Variants in GADD45A observed in about 807,000 individuals in gnomAD.
The protein encoded by GADD45A is growth arrest and DNA damage-inducible protein GADD45 alpha.
Under a neutral mutation model 17.7 loss-of-function variants are expected in GADD45A, and 9 were observed. The ratio of observed to expected loss-of-function variants is 0.51; its 90% CI spans 0.31 to 0.89. The LOEUF (loss-of-function observed/expected upper bound fraction) is 0.89, where lower values mean the gene tolerates loss of function less well. Ranked by LOEUF, GADD45A falls within the 40% of genes least tolerant of loss-of-function variation. The probability of loss-of-function intolerance (pLI) is 0.05; values close to 1 mark genes in which losing one functional copy is unlikely to be tolerated. For missense variants in GADD45A, 149 were observed against 220.6 expected, an observed-to-expected ratio of 0.68 and a Z score of 2.06; for synonymous variants, 95 against 92.2, an observed-to-expected ratio of 1.03 and a Z score of -0.17.
intron 1 of GADD45A, 21 bp from the exon 2 acceptor site, chr1:67,686,004 C>G (rs559363534): frequency 1.1e-4 from 165 of 1,569,526 alleles, no homozygotes; most frequent in Admixed American, 3.6e-4. Context: ...GACGGGACCC[C>G]TCGCCCTTGC....
intron 1 of GADD45A, 42 bp from the exon 2 acceptor site, chr1:67,685,983 G>A: frequency 1.5e-6 from 2 of 1,367,376 alleles, no homozygotes; most frequent in South Asian, 1.2e-5. Flanking sequence ...GGCCCCGAGG[G>A]CACCGGGGCT....
chr1:67,685,559 T>C, intron 1 of GADD45A, 21 bp downstream of exon 1: 2 of 1,597,150 alleles, frequency 1.3e-6, no homozygotes, highest in African/African-American at 2.7e-5. Context: ...CTGCGGACTC[T>C]TCCGGCCCGA....
chr1:67,687,688 C>T lies in GADD45A; in HGVS notation c.412C>T (p.Pro138Ser). Residue 138 changes from proline (P) to serine (S), a missense_variant, in exon 4 of 4, where the codon CCT becomes TCT. Pro to Ser is a moderately conservative substitution (Grantham distance 74). Coordinates refer to ENST00000370986, the MANE Select transcript of GADD45A (RefSeq NM_001924.4). ...TNPHSSQWKDPALSQLICFCR... is the reference protein window; with the variant it reads ...TNPHSSQWKDSALSQLICFCR... ...TCCACATTCATCTCAATGGAAGGATCCTGCCTTAAGTCAACTTATTTGTTT... is the reference window on the plus strand; with the variant it reads ...TCCACATTCATCTCAATGGAAGGATTCTGCCTTAAGTCAACTTATTTGTTT... The T allele has an allele frequency of 9.3e-6, 15 of 1,611,902 alleles. No homozygotes were observed. The highest frequency in any genetic ancestry group is 1.3e-5 in the Non-Finnish European group (15 of 1,178,456).
At chr1:67,685,992 C>T (rs760683816) in intron 1 of GADD45A, 33 bp from the exon 2 acceptor site, 10 of 1,487,982 alleles carry the variant, frequency 6.7e-6, no homozygotes, top group Middle Eastern at 1.7e-4. Flanking sequence ...GGCACCGGGG[C>T]TGACGGGACC....
rs1208464490 is a variant in GADD45A, at chr1:67,686,354, C to T, written c.151C>T (p.Pro51Ser). ...YEAAKLLNVD[P>S]DNVVLCLLAA... ...GGCCCCGCCCGCTGCCCCCAGCGAC[C>T]CCGATAACGTGGTGTTGTGCCTGCT... Residue 51 changes from proline to serine, a missense_variant, in exon 3 of 4, where the codon CCC (proline) becomes TCC (serine). Coordinates refer to ENST00000370986, the MANE Select transcript of GADD45A (RefSeq NM_001924.4). 6.2e-7 allele frequency: 1 copy of T among 1,611,622 alleles called. No homozygotes were observed.
At chr1:67,685,637 A>T (rs1646127751) in intron 1 of GADD45A, 99 bp downstream of exon 1, 25 of 1,270,086 alleles carry the variant, frequency 2.0e-5, no homozygotes, top group Non-Finnish European at 2.6e-5. Context: ...GGAGGAAGCT[A>T]AAAAGTTTGC....
At chr1:67,687,535 G>T in intron 3 of GADD45A, 126 bp from the exon 4 acceptor site, 2 of 633,482 alleles carry the variant, frequency 3.2e-6, no homozygotes, top group East Asian at 2.7e-5. Flanking sequence ...ATTTTTTTGT[G>T]CTTCTAATTT....
At chr1:67,686,742 G>T (rs1376813063) in intron 3 of GADD45A, among the ~76,000 whole-genome samples, 155 bp downstream of exon 3, 2 of 152,240 alleles carry the variant, frequency 1.3e-5, no homozygotes, top group African/African-American at 4.8e-5. Context: ...GCCGAGATGT[G>T]CTAGTTTCAT....
At chr1:67,686,914 A>G (rs534217864) in intron 3 of GADD45A, among the ~76,000 whole-genome samples, 1 of 152,316 alleles carries the variant, frequency 6.6e-6, no homozygotes, top group East Asian at 1.9e-4. Flanking sequence ...GATAAAGCCA[A>G]ATGAATTCCT....
rs200118104 is a variant in GADD45A at position 67,686,085 on chromosome 1, G to A, written c.105G>A (p.Thr35=). The change falls in exon 2 of 4, where the codon ACG becomes ACA. Residue 35 remains threonine, a synonymous_variant. Coordinates refer to ENST00000370986, the MANE Select transcript of GADD45A (RefSeq NM_001924.4). ...TCAGCAAAGCCCTGAGTCAGCGCAC[G>A]ATCACTGTCGGGGTGTACGAAGCGG... The part of the protein sequence containing the change: ...EVLSKALSQR[T]ITVGVYEAAK... The A allele has an allele frequency of 6.2e-7, 1 of 1,610,040 alleles. No individual in the cohort carries two copies. The highest frequency in any genetic ancestry group is 8.5e-7 in the Non-Finnish European group (1 of 1,178,418).
At chr1:67,686,624 C>T (rs1646136098) in intron 3 of GADD45A, 37 bp downstream of exon 3, 1 of 1,557,096 alleles carries the variant, frequency 6.4e-7, no homozygotes, top group Non-Finnish European at 8.8e-7. Flanking sequence ...CAGGGTAGAG[C>T]CCCGGAAGGA....
At position 67,686,043 on chromosome 1, in the gene GADD45A, T is replaced by C. The variant is rs761285746; in HGVS notation, c.63T>C (p.Asp21=). 1 of 1,606,710 alleles carries C rather than the reference T, an allele frequency of 6.2e-7. No homozygotes were observed. Among genetic ancestry groups the C allele is most frequent in the East Asian group, 2.3e-5 (1 of 43,938 alleles). Residue 21 remains aspartate (D), a synonymous_variant, in exon 2 of 4, where the codon GAT becomes GAC. Coordinates refer to ENST00000370986, the MANE Select transcript of GADD45A (RefSeq NM_001924.4). ...CGTGTAGGATGGATAAGGTGGGGGA[T>C]GCCCTGGAGGAAGTGCTCAGCAAAG... The part of the protein sequence containing the change: ...QKTERMDKVG[D]ALEEVLSKAL...
Position 67,687,751 on chromosome 1 carries a change from G to A in GADD45A, c.475G>A (p.Val159Met), listed in dbSNP as rs1411339853. ...ESRYMDQWVP[V>M]INLPER ...TCGCTACATGGATCAATGGGTTCCA[G>A]TGATTAATCTCCCTGAACGGTGATG... Residue 159 changes from valine to methionine, a missense_variant, in exon 4 of 4, where the codon GTG becomes ATG. Coordinates refer to ENST00000370986, the MANE Select transcript of GADD45A (RefSeq NM_001924.4). 1.2e-6 allele frequency: 2 copies of A among 1,609,558 alleles called. No individual in the cohort carries two copies. The highest frequency in any genetic ancestry group is 1.7e-6 in the Non-Finnish European group (2 of 1,176,920).
Position 67,687,337 on chromosome 1 carries a change from A to G in GADD45A, c.385-324A>G, listed in dbSNP as rs921537258. The stretch of plus-strand genomic sequence containing the variant: ...AATCTTTCTCAAAACTGTTTCACTC[A>G]GGTCAGGGTAACAAGTTTGGTAGAG... On this transcript the variant is annotated intron_variant, in intron 3 of 3. Coordinates refer to ENST00000370986, the MANE Select transcript of GADD45A (RefSeq NM_001924.4). Among the ~76,000 whole-genome samples the G allele has an allele frequency of 3.0e-4, 46 of 152,198 alleles. 1 individual carries two copies. The highest frequency in any genetic ancestry group is 1.3e-4 in the Non-Finnish European group (9 of 68,024).
At position 67,685,203 on chromosome 1, in the gene GADD45A, T is replaced by C; in HGVS notation, c.-292T>C. 2 of 443,998 alleles carry C rather than the reference T, an allele frequency of 4.5e-6. No individual in the cohort carries two copies. The highest frequency in any genetic ancestry group is 3.1e-5 in the South Asian group (1 of 32,136). The allele number at this position is 443,998 out of a possible 1,614,324, so 27.5% of individuals were successfully genotyped here. ...GAGAGCGGGGCCCTTTGTCCTCCAGTGGCTGGTAGGCAGTGGCTGGGAGGC... is the reference window on the plus strand; with the variant it reads ...GAGAGCGGGGCCCTTTGTCCTCCAGCGGCTGGTAGGCAGTGGCTGGGAGGC... On this transcript the variant is annotated 5_prime_UTR_variant, in exon 1 of 4. Transcript: ENST00000370986.
At position 67,685,448 on chromosome 1, in the gene GADD45A, C is replaced by G. The variant is rs781378656; in HGVS notation, c.-47C>G. 1.3e-6 allele frequency: 2 copies of G among 1,570,792 alleles called. No individual in the cohort carries two copies. Among genetic ancestry groups the G allele is most frequent in the East Asian group, 4.6e-5 (2 of 43,228 alleles). On this transcript the variant is annotated 5_prime_UTR_variant, in exon 1 of 4. Transcript: ENST00000370986. ...GCCCGCGCGCTAGCCGTGGCAGGAG[C>G]AGCCCGCACGCCGCGCTCTCTCCCT...
chr1:67,686,625 C>T, intron 3 of GADD45A, 38 bp downstream of exon 3: 1 of 1,552,924 alleles, frequency 6.4e-7, no homozygotes, highest in South Asian at 1.1e-5. Context: ...AGGGTAGAGC[C>T]CCGGAAGGAC....
At chr1:67,687,602 A>G (rs1409807333) in intron 3 of GADD45A, 59 bp from the exon 4 acceptor site, 12 of 1,052,406 alleles carry the variant, frequency 1.1e-5, no homozygotes, top group South Asian at 3.9e-5. Context: ...CCTCAAAAGT[A>G]TAATTACTAG....
In GADD45A at chr1:67,687,800, C is replaced by G. The variant is rs749100782; in HGVS notation, c.*26C>G. 7.8e-6 allele frequency: 11 copies of G among 1,409,516 alleles called. No individual in the cohort carries two copies. Among genetic ancestry groups the G allele is most frequent in the Non-Finnish European group, 1.0e-5 (10 of 994,834 alleles). The allele number at this position is 1,409,516 out of a possible 1,614,324, so 87.3% of individuals were successfully genotyped here. On this transcript the variant is annotated 3_prime_UTR_variant, in exon 4 of 4. Coordinates refer to ENST00000370986, the MANE Select transcript of GADD45A (RefSeq NM_001924.4). Reference sequence around the variant, plus strand: ...TGGCATCTGAATGAAAATAACTGAACCAAATTGCACTGAAGTTTTTGAAAT... The same window carrying G: ...TGGCATCTGAATGAAAATAACTGAAGCAAATTGCACTGAAGTTTTTGAAAT...
Sources: gnomAD v4.1 joint callset for allele counts (sites outside exome capture counted in the v4.1 genomes callset) on GRCh38, gnomAD v4.1.1 for gene constraint, MANE v1.5 for transcripts, NCBI Gene and HGNC (gene_info 2026-07-23, HGNC 2026-07-21) for gene names.